GPR39: variants seen among roughly 807,000 people sequenced by gnomAD.
The protein encoded by GPR39 is G protein-coupled receptor 39.
GPR39 carries 23 observed loss-of-function variants against 18.4 expected under a neutral mutation model. That is an observed-to-expected ratio of 1.25 (90% CI 0.90 to 1.77). GPR39 has a LOEUF of 1.77. Among genes scored for constraint, GPR39 ranks in the 40% most tolerant of loss-of-function variants. GPR39 has a pLI of 0.00. For synonymous variants in GPR39, 280 were observed against 257.9 expected, an observed-to-expected ratio of 1.09 and a Z score of -0.82; for missense variants, 647 against 602.4, an observed-to-expected ratio of 1.07 and a Z score of -0.78.
At chr2:132,432,140 C>T (rs946222970) in intron 1 of GPR39, among the ~76,000 whole-genome samples, 6 of 152,150 alleles carry the variant, frequency 3.9e-5, no homozygotes, top group African/African-American at 1.4e-4. Flanking sequence ...ATACCATAAA[C>T]TGGGTGGTTT....
chr2:132,497,904 G>C (rs1359627797), intron 1 of GPR39, among the ~76,000 whole-genome samples: 1 of 152,142 alleles, frequency 6.6e-6, no homozygotes, highest in Non-Finnish European at 1.5e-5. Flanking sequence ...ATTCCTCTAT[G>C]ACTGTGCCCT....
rs34104835 is a variant in GPR39, at chr2:132,598,431, C to CTTTTTTT, written c.857-46655_857-46649dup. Among the ~76,000 whole-genome samples the CTTTTTTT allele has an allele frequency of 8.5e-3, 767 of 90,394 alleles. 33 individuals are homozygous for CTTTTTTT. Among genetic ancestry groups the CTTTTTTT allele is most frequent in the African/African-American group, 0.029 (653 of 22,202 alleles). 59.3% of individuals were successfully genotyped at this position (90,394 alleles called of 152,430 possible). On this transcript the variant is annotated intron_variant, in intron 1 of 1. Transcript: ENST00000329321. ...TCTGATTTGGCTGGTCTAAGGTGAA[C>CTTTTTTT]TTTTTTTTTTTTTTTTTTTTTAAGC...
chr2:132,429,578 G>A (rs1680188353), intron 1 of GPR39, among the ~76,000 whole-genome samples: 1 of 152,246 alleles, frequency 6.6e-6, no homozygotes. Flanking sequence ...AGAGAAGGAT[G>A]GGAAAGAGCA....
chr2:132,445,428 A>G (rs1680517315), intron 1 of GPR39, among the ~76,000 whole-genome samples: 1 of 152,194 alleles, frequency 6.6e-6, no homozygotes, highest in South Asian at 2.1e-4. Context: ...ACTTATTTCC[A>G]TGATGCAAGC....
At chr2:132,604,177 C>G (rs1057278040) in intron 1 of GPR39, among the ~76,000 whole-genome samples, 3 of 152,130 alleles carry the variant, frequency 2.0e-5, no homozygotes, top group African/African-American at 7.2e-5. Context: ...GTTCTGTACA[C>G]CACTTCACAA....
intron 1 of GPR39, among the ~76,000 whole-genome samples, chr2:132,486,363 C>T (rs550342313): frequency 6.6e-6 from 1 of 152,328 alleles, no homozygotes; most frequent in East Asian, 1.9e-4. Context: ...CGTAACAAGA[C>T]AGTCAGCAAG....
chr2:132,431,799 G>T (rs1310348624), intron 1 of GPR39, among the ~76,000 whole-genome samples: 1 of 152,164 alleles, frequency 6.6e-6, no homozygotes, highest in Non-Finnish European at 1.5e-5. Flanking sequence ...ATGGCAAATG[G>T]GGAGTATATT....
intron 1 of GPR39, among the ~76,000 whole-genome samples, chr2:132,618,358 T>C (rs1558860641): frequency 6.6e-6 from 1 of 152,212 alleles, no homozygotes; most frequent in Non-Finnish European, 1.5e-5. Context: ...ACTAGTAATT[T>C]CAGGGGCTAT....
intron 1 of GPR39, among the ~76,000 whole-genome samples, chr2:132,576,184 G>C (rs940816602): frequency 1.3e-5 from 2 of 152,132 alleles, no homozygotes; most frequent in African/African-American, 2.4e-5. Flanking sequence ...AATTTTGAGA[G>C]TTGTTTATAT....
chr2:132,640,805 C>T (rs748584761), intron 1 of GPR39, among the ~76,000 whole-genome samples: 1 of 152,204 alleles, frequency 6.6e-6, no homozygotes, highest in Non-Finnish European at 1.5e-5. Context: ...AGAAAGTTAC[C>T]TTGGGATGCA....
chr2:132,459,644 G>A (rs929962580), intron 1 of GPR39, among the ~76,000 whole-genome samples: 2 of 152,148 alleles, frequency 1.3e-5, no homozygotes, highest in Admixed American at 6.5e-5. Context: ...CATGTTGTAG[G>A]TGCTGCATAC....
chr2:132,486,982 G>A (rs1681353279), intron 1 of GPR39, among the ~76,000 whole-genome samples: 1 of 152,192 alleles, frequency 6.6e-6, no homozygotes, highest in Non-Finnish European at 1.5e-5. Context: ...AGTGGGAGAT[G>A]TGTGACTTTT....
Position 132,646,128 on chromosome 2 carries a change from C to G in GPR39, c.*522C>G, listed in dbSNP as rs749762463. ...GGCCTGAGGGCCGAGGCAGAACTTCCCCTTTTCTTGGGCCTTGGCCCGTTA... is the reference window on the plus strand; with the variant it reads ...GGCCTGAGGGCCGAGGCAGAACTTCGCCTTTTCTTGGGCCTTGGCCCGTTA... On this transcript the variant is annotated 3_prime_UTR_variant, in exon 2 of 2. Transcript: ENST00000329321. The G allele has an allele frequency of 4.3e-6, 7 of 1,610,268 alleles. No individual in the cohort carries two copies. The highest frequency in any genetic ancestry group is 5.1e-6 in the Non-Finnish European group (6 of 1,178,006).
At chr2:132,643,748 A>G (rs1397240570) in intron 1 of GPR39, among the ~76,000 whole-genome samples, 2 of 152,150 alleles carry the variant, frequency 1.3e-5, no homozygotes, top group Non-Finnish European at 2.9e-5. Context: ...TCAAATTTCT[A>G]GGCTTAAGTG....
intron 1 of GPR39, among the ~76,000 whole-genome samples, chr2:132,539,266 G>A (rs757000397): frequency 5.3e-5 from 8 of 152,166 alleles, no homozygotes; most frequent in Non-Finnish European, 1.2e-4. Flanking sequence ...AGGTGGGACA[G>A]TCTCTCACGG....
chr2:132,596,634 C>A (rs1368115972), intron 1 of GPR39, among the ~76,000 whole-genome samples: 1 of 152,052 alleles, frequency 6.6e-6, no homozygotes, highest in African/African-American at 2.4e-5. Context: ...CCTCCTTCTC[C>A]CAATCTTTAT....
intron 1 of GPR39, among the ~76,000 whole-genome samples, chr2:132,603,607 C>T (rs1213693979): frequency 6.7e-6 from 1 of 150,072 alleles, no homozygotes; most frequent in Non-Finnish European, 1.5e-5. Context: ...ATACTATATA[C>T]ATGTACTGAA....
chr2:132,556,814 G>T (rs1001488785), intron 1 of GPR39, among the ~76,000 whole-genome samples: 2 of 152,054 alleles, frequency 1.3e-5, no homozygotes, highest in Non-Finnish European at 2.9e-5. Context: ...CCTCCTCAAA[G>T]GCCTCTCTGG....
chr2:132,472,686 C>T (rs556307254), intron 1 of GPR39, among the ~76,000 whole-genome samples: 9 of 152,194 alleles, frequency 5.9e-5, no homozygotes, highest in South Asian at 2.1e-4. Flanking sequence ...TACTTTTTCA[C>T]GCAACTTATA....
Sources: gnomAD v4.1 joint callset for allele counts (sites outside exome capture counted in the v4.1 genomes callset) on GRCh38, gnomAD v4.1.1 for gene constraint, MANE v1.5 for transcripts, NCBI Gene and HGNC (gene_info 2026-07-23, HGNC 2026-07-21) for gene names.